The following CRIM1 variants were observed in gnomAD, a reference collection of about 807,000 sequenced individuals.
CRIM1 encodes the protein cysteine rich transmembrane BMP regulator 1.
A neutral mutation model predicts 116.4 loss-of-function variants in CRIM1; 32 were observed. The ratio of observed to expected loss-of-function variants is 0.27; its 90% confidence interval spans 0.21 to 0.37. The LOEUF is 0.37. Among genes scored for constraint, CRIM1 ranks in the 10% least tolerant of loss-of-function variants. CRIM1 has a pLI of 1.00. For missense variants in CRIM1, 1,331 were observed against 1,354.8 expected, an observed-to-expected ratio of 0.98 and a Z score of 0.28; for synonymous variants, 590 against 509.2, an observed-to-expected ratio of 1.16 and a Z score of -2.13.
chr2:36,430,074 C>T (rs1038322584), intron 2 of CRIM1, among the ~76,000 whole-genome samples: 14 of 152,224 alleles, frequency 9.2e-5, no homozygotes, highest in African/African-American at 3.4e-4. Flanking sequence ...CATTCCAGCA[C>T]ATCCCGTCAG....
At chr2:36,381,197 A>T (rs1174406562) in intron 1 of CRIM1, among the ~76,000 whole-genome samples, 1 of 152,038 alleles carries the variant, frequency 6.6e-6, no homozygotes, top group African/African-American at 2.4e-5. Flanking sequence ...CTGGCAGTTG[A>T]GTGTCCTGGA....
intron 7 of CRIM1, among the ~76,000 whole-genome samples, chr2:36,486,829 G>A (rs1425136827): frequency 6.6e-6 from 1 of 152,124 alleles, no homozygotes; most frequent in Non-Finnish European, 1.5e-5. Context: ...AGTCATTCTT[G>A]AAATGATAGG....
chr2:36,430,905 G>A (rs746941664), intron 2 of CRIM1, among the ~76,000 whole-genome samples: 2 of 152,206 alleles, frequency 1.3e-5, no homozygotes, highest in Non-Finnish European at 2.9e-5. Flanking sequence ...CACACATCTT[G>A]AATGTAGAAA....
Position 36,356,644 on chromosome 2 carries a change from C to A in CRIM1, c.331+21C>A, listed in dbSNP as rs763821741. Reference sequence around the variant, plus strand: ...CGAAGGTACGGCCGCCCGCTGCGGGCCCCCTCCCACCTGGCCTGCGCCGCC... The same window carrying A: ...CGAAGGTACGGCCGCCCGCTGCGGGACCCCTCCCACCTGGCCTGCGCCGCC... On this transcript the variant is annotated intron_variant, in intron 1 of 16. Transcript: ENST00000280527. This position sits in a 1 kb window ranked among gnomAD's most constrained non-coding sequence, Gnocchi z 4.3. 1.3e-6 allele frequency: 2 copies of A among 1,592,990 alleles called. No homozygotes were observed. The highest frequency in any genetic ancestry group is 2.7e-5 in the African/African-American group (2 of 74,660).
At chr2:36,477,616 T>TG (rs1263435382) in intron 6 of CRIM1, among the ~76,000 whole-genome samples, 2 of 152,216 alleles carry the variant, frequency 1.3e-5, no homozygotes, top group African/African-American at 4.8e-5. Context: ...CACCACCTGG[T>TG]GACACCAACT....
intron 14 of CRIM1, among the ~76,000 whole-genome samples, chr2:36,544,001 C>T (rs1349020164): frequency 6.6e-6 from 1 of 152,094 alleles, no homozygotes; most frequent in East Asian, 1.9e-4. Context: ...TTATTCAATA[C>T]CCCCATATTA....
chr2:36,521,987 A>AGGCACC, intron 12 of CRIM1, 105 bp from the exon 13 acceptor site: 1 of 839,778 alleles, frequency 1.2e-6, no homozygotes. Flanking sequence ...GTATTTAAGG[A>AGGCACC]GGCACCGAAA....
chr2:36,399,681 T>C (rs1250525708), intron 2 of CRIM1, among the ~76,000 whole-genome samples: 1 of 152,162 alleles, frequency 6.6e-6, no homozygotes, highest in Non-Finnish European at 1.5e-5. Flanking sequence ...CATGTTTGGA[T>C]CATGACCGGA....
chr2:36,545,134 G>A (rs1307175301), intron 15 of CRIM1, among the ~76,000 whole-genome samples: 2 of 152,148 alleles, frequency 1.3e-5, no homozygotes, highest in South Asian at 2.1e-4. Context: ...CCGTGACTCA[G>A]TACTGCCTCC....
chr2:36,368,346 C>T (rs1011662429), intron 1 of CRIM1, among the ~76,000 whole-genome samples: 1 of 152,228 alleles, frequency 6.6e-6, no homozygotes, highest in Admixed American at 6.5e-5. Context: ...GTATGTGAGA[C>T]AGCAAATATT....
chr2:36,473,977 G>C (rs1678754927), intron 5 of CRIM1, among the ~76,000 whole-genome samples: 1 of 152,030 alleles, frequency 6.6e-6, no homozygotes, highest in South Asian at 2.1e-4. Context: ...AAAAATCTAT[G>C]AGAATTCCAG....
In CRIM1 at chr2:36,519,158, G is replaced by A. The variant is rs562423549; in HGVS notation, c.2206+1616G>A. ...AGGGAGTGGCACTGGGGGAGGAAAT[G>A]CCTCCAGGACCACTAGCTGAAATTC... On this transcript the variant is annotated intron_variant, in intron 12 of 16. Transcript: ENST00000280527. Among the ~76,000 whole-genome samples, 4 of 152,292 alleles carry A rather than the reference G, an allele frequency of 2.6e-5. No individual in the cohort carries two copies. In the South Asian group the frequency reaches 6.2e-4, roughly 24 times the overall value.
intron 2 of CRIM1, among the ~76,000 whole-genome samples, chr2:36,439,377 T>G (rs1252778945): frequency 6.6e-6 from 1 of 152,250 alleles, no homozygotes; most frequent in Non-Finnish European, 1.5e-5. Context: ...CAAAGTCCTA[T>G]CTTTCTAAGA....
chr2:36,510,923 C>CTTTTTTTTT (rs1013951561), intron 9 of CRIM1, among the ~76,000 whole-genome samples: 1 of 109,178 alleles, frequency 9.2e-6, no homozygotes, highest in African/African-American at 3.5e-5. Context: ...GATTCCTTTT[C>CTTTTTTTTT]TTTTTTTTTT....
At chr2:36,465,179 C>T (rs997500004) in intron 5 of CRIM1, among the ~76,000 whole-genome samples, 3 of 152,198 alleles carry the variant, frequency 2.0e-5, no homozygotes, top group Non-Finnish European at 2.9e-5. Context: ...TCACTGATAG[C>T]GGCCTGCTGT....
chr2:36,512,386 A>C lies in CRIM1; in HGVS notation c.1772A>C (p.Lys591Thr). The stretch of plus-strand genomic sequence containing the variant: ...GACAGTCACGGCTGTCTTATCTGCA[A>C]GTGCAGAGGTAAGTGTGTACACATG... ...QQDSHGCLIC[K>T]CREASASAGP... The change falls in exon 10 of 17, where the codon AAG (lysine) becomes ACG (threonine). Residue 591 changes from lysine to threonine, a missense_variant. Coordinates refer to ENST00000280527, the MANE Select transcript of CRIM1 (RefSeq NM_016441.3). The C allele has an allele frequency of 6.2e-7, 1 of 1,613,044 alleles. No homozygotes were observed. Among genetic ancestry groups the C allele is most frequent in the Non-Finnish European group, 8.5e-7 (1 of 1,179,164 alleles).
chr2:36,404,948 C>A (rs74598032), intron 2 of CRIM1, among the ~76,000 whole-genome samples: 1,996 of 152,066 alleles, frequency 0.013, 37 homozygotes, highest in African/African-American at 0.045. Flanking sequence ...ATTTCACTTC[C>A]TTTTTTTCTT....
At chr2:36,539,767 C>T (rs1039012225) in intron 14 of CRIM1, among the ~76,000 whole-genome samples, 7 of 152,078 alleles carry the variant, frequency 4.6e-5, no homozygotes, top group African/African-American at 9.7e-5. Flanking sequence ...AGGATGACTA[C>T]GACATTTTGG....
At chr2:36,374,945 G>T (rs1296743085) in intron 1 of CRIM1, among the ~76,000 whole-genome samples, 2 of 151,164 alleles carry the variant, frequency 1.3e-5, no homozygotes, top group African/African-American at 4.9e-5. Flanking sequence ...CTAACGATTT[G>T]TAGGTTTTGT....
Sources: gnomAD v4.1 joint callset for allele counts (sites outside exome capture counted in the v4.1 genomes callset) on GRCh38, gnomAD v4.1.1 for gene constraint, Gnocchi (gnomAD v3.1) non-coding constraint, MANE v1.5 for transcripts, NCBI Gene and HGNC (gene_info 2026-07-23, HGNC 2026-07-21) for gene names.